INSYN2A: variants seen among roughly 807,000 people sequenced by gnomAD.
INSYN2A encodes family with sequence similarity 196 member A.
Under a neutral mutation model 39.4 loss-of-function variants are expected in INSYN2A, and 17 were observed. That is an observed-to-expected ratio of 0.43 (90% confidence interval 0.30 to 0.65). The LOEUF (loss-of-function observed/expected upper bound fraction) is 0.65. INSYN2A is among the 30% of genes least tolerant of loss of function. The probability of loss-of-function intolerance (pLI) is 0.14; values close to 1 mark genes in which losing one functional copy is unlikely to be tolerated. For synonymous variants in INSYN2A, 255 were observed against 265.7 expected (o/e 0.96, Z 0.39); for missense variants, 595 against 631.2 (o/e 0.94, Z 0.61).
intron 5 of INSYN2A, among the ~76,000 whole-genome samples, chr10:127,145,540 C>A (rs2051731281): frequency 6.6e-6 from 1 of 152,190 alleles, no homozygotes; most frequent in Admixed American, 6.5e-5. Flanking sequence ...TGTTGTCCTC[C>A]TGTTCTAAGC....
At position 127,180,441 on chromosome 10, in the gene INSYN2A, T is replaced by C. The variant is rs190557792; in HGVS notation, c.-268-3302A>G. Among the ~76,000 whole-genome samples, 310 of 152,326 alleles carry C rather than the reference T, an allele frequency of 2.0e-3. 1 individual carries two copies. The highest frequency in any genetic ancestry group is 6.9e-3 in the African/African-American group (287 of 41,560). On this transcript the variant is annotated intron_variant, in intron 2 of 5. Transcript: ENST00000522781. ...TAAGAAAATTGTGTTTTAGAATTCA[T>C]TGGACTGTGCTGTCTTGAGGTGAAA...
rs1437800527 is a variant in INSYN2A, at chr10:127,175,638, A to G, written c.758T>C (p.Val253Ala). The change falls in exon 4 of 6, where the codon GTT (valine) becomes GCT (alanine). Residue 253 changes from valine (V) to alanine (A), a missense_variant. By Grantham distance (64) the Val-to-Ala change is moderately conservative (BLOSUM62 0). Around this residue, in one of 2 missense-constraint regions of INSYN2A, gnomAD observed 478 missense variants for 467.4 expected, o/e 1.02. Transcript: ENST00000522781. The surrounding 1 kb of genome is among the most constrained non-coding windows in gnomAD (Gnocchi z 6.3). ...GAGGGCAGGTGCGTAAACGGTGGCA[A>G]CCTCCGTTTTAAACACCCTCCTGAG... ...PALRRVFKTE[V>A]ATVYAPALSA... 1 of 1,613,076 alleles carries G rather than the reference A, an allele frequency of 6.2e-7. No homozygotes were observed. Among genetic ancestry groups the G allele is most frequent in the Non-Finnish European group, 8.5e-7 (1 of 1,179,924 alleles).
chr10:127,186,137 G>C (rs2056210772), intron 2 of INSYN2A, among the ~76,000 whole-genome samples: 1 of 152,200 alleles, frequency 6.6e-6, no homozygotes, highest in South Asian at 2.1e-4. Flanking sequence ...AAACAATAGA[G>C]GGTCTGGGGC....
chr10:127,142,540 C>T (rs1592194988), intron 5 of INSYN2A, among the ~76,000 whole-genome samples: 1 of 152,282 alleles, frequency 6.6e-6, no homozygotes, highest in East Asian at 1.9e-4. Flanking sequence ...TGGAGCCAGG[C>T]CAGCCTTACC....
intron 4 of INSYN2A, among the ~76,000 whole-genome samples, chr10:127,173,516 GTTC>G (rs1353930583): frequency 2.0e-5 from 3 of 152,092 alleles, no homozygotes; most frequent in Non-Finnish European, 4.4e-5. Context: ...GCCCTCTCAG[GTTC>G]TTCTTTGGGC....
chr10:127,178,401 G>A (rs1176837007), intron 2 of INSYN2A, among the ~76,000 whole-genome samples: 1 of 152,196 alleles, frequency 6.6e-6, no homozygotes, highest in African/African-American at 2.4e-5. Context: ...GGGCTTTGCT[G>A]TGCGGTGCAG....
At chr10:127,142,149 T>C (rs1756005124) in intron 5 of INSYN2A, among the ~76,000 whole-genome samples, 1 of 152,160 alleles carries the variant, frequency 6.6e-6, no homozygotes, top group Non-Finnish European at 1.5e-5. Flanking sequence ...CTGGGTGATG[T>C]TTGTTCTGAG....
intron 2 of INSYN2A, among the ~76,000 whole-genome samples, chr10:127,190,207 G>A (rs1273415169): frequency 6.6e-6 from 1 of 152,118 alleles, no homozygotes; most frequent in Non-Finnish European, 1.5e-5. Flanking sequence ...CAAAGGAATC[G>A]CTGAGGTTGA....
chr10:127,176,204 C>G lies in INSYN2A; in HGVS notation c.192G>C (p.Leu64=). ...EAQNEQRDTQ[L]SSGQLGEKRE... is the part of the protein sequence containing the mutation. ...GCTTCTCCCCCAGCTGGCCCGAGGA[C>G]AGCTGTGTGTCCCTCTGCTCATTCT... Residue 64 remains leucine, a synonymous_variant, in exon 4 of 6, where the codon CTG becomes CTC. Coordinates refer to ENST00000522781, the MANE Select transcript of INSYN2A (RefSeq NM_001039762.3). This position sits in a 1 kb window ranked among gnomAD's most constrained non-coding sequence, Gnocchi z 4.4. The G allele has an allele frequency of 6.2e-7, 1 of 1,614,138 alleles. No individual in the cohort carries two copies. The highest frequency in any genetic ancestry group is 8.5e-7 in the Non-Finnish European group (1 of 1,180,024).
At chr10:127,181,686 A>G (rs939420819) in intron 2 of INSYN2A, among the ~76,000 whole-genome samples, 1 of 152,198 alleles carries the variant, frequency 6.6e-6, no homozygotes, top group African/African-American at 2.4e-5. Context: ...GTGCCTGAAC[A>G]TGAGGCTACT....
chr10:127,158,474 C>G (rs2053290795), intron 4 of INSYN2A, among the ~76,000 whole-genome samples: 1 of 152,180 alleles, frequency 6.6e-6, no homozygotes, highest in South Asian at 2.1e-4. Context: ...AAGCACTCTT[C>G]CCTTTTGCTT....
intron 2 of INSYN2A, among the ~76,000 whole-genome samples, chr10:127,190,701 G>A (rs1450988101): frequency 2.0e-5 from 2 of 97,684 alleles, no homozygotes; most frequent in East Asian, 3.3e-4. Context: ...CTGGCTCCCA[G>A]ATTTCTGTTG....
chr10:127,177,901 G>A (rs984460436), intron 2 of INSYN2A, among the ~76,000 whole-genome samples: 2 of 152,198 alleles, frequency 1.3e-5, no homozygotes, highest in East Asian at 1.9e-4. Context: ...GAGATGTTGC[G>A]TCATTTTTCG....
chr10:127,158,930 A>G (rs956813907), intron 4 of INSYN2A, among the ~76,000 whole-genome samples: 1 of 152,066 alleles, frequency 6.6e-6, no homozygotes, highest in Non-Finnish European at 1.5e-5. Flanking sequence ...TTGACCCTCT[A>G]GCCTCCCATC....
At chr10:127,152,802 C>T (rs1437123037) in intron 5 of INSYN2A, among the ~76,000 whole-genome samples, 3 of 152,214 alleles carry the variant, frequency 2.0e-5, no homozygotes, top group Non-Finnish European at 4.4e-5. Context: ...CCTATCTCTA[C>T]CTGTGGTTTC....
At position 127,176,122 on chromosome 10, in the gene INSYN2A, C is replaced by G; in HGVS notation, c.274G>C (p.Ala92Pro). Residue 92 changes from alanine (A) to proline (P), a missense_variant, in exon 4 of 6, where the codon GCA becomes CCA. Transcript: ENST00000522781. The surrounding 1 kb of genome is among the most constrained non-coding windows in gnomAD (Gnocchi z 4.4). ...AAYRKYMTVP[A>P]RRSIPNVTKS... Reference sequence around the variant, plus strand: ...GTGACGTTGGGGATGGACCTGCGTGCGGGCACTGTCATGTATTTGCGGTAG... The same window carrying G: ...GTGACGTTGGGGATGGACCTGCGTGGGGGCACTGTCATGTATTTGCGGTAG... The G allele has an allele frequency of 6.2e-7, 1 of 1,614,074 alleles. No homozygotes were observed. Among genetic ancestry groups the G allele is most frequent in the Non-Finnish European group, 8.5e-7 (1 of 1,180,020 alleles).
intron 5 of INSYN2A, among the ~76,000 whole-genome samples, chr10:127,151,827 A>G (rs994363358): frequency 6.6e-6 from 1 of 152,104 alleles, no homozygotes; most frequent in Non-Finnish European, 1.5e-5. Context: ...ATGTATTCGG[A>G]TTCATGTAGA....
At chr10:127,186,503 A>ACC (rs1564883520) in intron 2 of INSYN2A, among the ~76,000 whole-genome samples, 1 of 18,746 alleles carries the variant, frequency 5.3e-5, no homozygotes, top group African/African-American at 1.4e-4. Context: ...GCATGGGAGA[A>ACC]ACCGCCCCCC....
rs2054964222 is a variant in INSYN2A, at chr10:127,175,131, C to T, written c.1184+81G>A. 2 of 1,237,624 alleles carry T rather than the reference C, an allele frequency of 1.6e-6. No individual in the cohort carries two copies. The highest frequency in any genetic ancestry group is 2.8e-5 in the South Asian group (2 of 70,668). The allele number at this position is 1,237,624 out of a possible 1,614,324, so 76.7% of individuals were successfully genotyped here. ...GGAAATGCTGGCTTTAGTCTCATTA[C>T]AGACTTGGGTTTGGGGCTACAGATG... On this transcript the variant is annotated intron_variant, in intron 4 of 5. Coordinates refer to ENST00000522781, the MANE Select transcript of INSYN2A (RefSeq NM_001039762.3). The surrounding 1 kb of genome is among the most constrained non-coding windows in gnomAD (Gnocchi z 6.3).
Sources: allele counts gnomAD v4.1 joint callset (sites outside exome capture counted in the v4.1 genomes callset), GRCh38; gene constraint gnomAD v4.1.1; regional missense constraint gnomAD v4.1.1; non-coding constraint Gnocchi (gnomAD v3.1); transcripts MANE v1.5; gene names NCBI Gene and HGNC (gene_info 2026-07-23, HGNC 2026-07-21).